Variants in CHRM5 observed in about 807,000 individuals in gnomAD.
CHRM5 encodes the protein cholinergic receptor muscarinic 5.
Under a neutral mutation model 39.0 loss-of-function variants are expected in CHRM5, and 18 were observed. The ratio of observed to expected loss-of-function variants is 0.46; its 90% CI spans 0.32 to 0.68. The LOEUF (loss-of-function observed/expected upper bound fraction) is 0.68, where lower values mean the gene tolerates loss of function less well. CHRM5 is among the 30% of genes least tolerant of loss of function. The pLI is 0.04. For missense variants in CHRM5, 515 were observed against 651.1 expected (o/e 0.79, Z 2.28); for synonymous variants, 241 against 246.3 (o/e 0.98, Z 0.20).
chr15:34,050,893 A>G (rs1899905735), intron 2 of CHRM5, among the ~76,000 whole-genome samples: 1 of 152,194 alleles, frequency 6.6e-6, no homozygotes, highest in African/African-American at 2.4e-5. Flanking sequence ...CTCCCAAACA[A>G]TAATAGTGGG....
chr15:34,028,195 G>T (rs1425260549), intron 1 of CHRM5, among the ~76,000 whole-genome samples: 1 of 152,090 alleles, frequency 6.6e-6, no homozygotes, highest in African/African-American at 2.4e-5. Flanking sequence ...TAAATAATAA[G>T]ATTCTAAATA....
At chr15:33,987,219 T>C (rs1482169793) in intron 1 of CHRM5, among the ~76,000 whole-genome samples, 2 of 152,242 alleles carry the variant, frequency 1.3e-5, no homozygotes, top group African/African-American at 2.4e-5. Flanking sequence ...TGACTAAGAA[T>C]GTACAATGCA....
At chr15:33,980,338 A>T (rs968849962) in intron 1 of CHRM5, among the ~76,000 whole-genome samples, 1 of 152,192 alleles carries the variant, frequency 6.6e-6, no homozygotes, top group Non-Finnish European at 1.5e-5. Context: ...TAATGTCTTA[A>T]CTTGACAAGA....
intron 1 of CHRM5, among the ~76,000 whole-genome samples, chr15:33,984,530 G>A (rs1223190467): frequency 1.3e-5 from 2 of 151,894 alleles, no homozygotes; most frequent in South Asian, 2.1e-4. Flanking sequence ...AGCCTCCCGC[G>A]TAGCTCAGAT....
chr15:34,064,117 T>C lies in CHRM5; in HGVS notation c.1400T>C (p.Phe467Ser). 6.2e-7 allele frequency: 1 copy of C among 1,614,230 alleles called. No homozygotes were observed. The highest frequency in any genetic ancestry group is 8.5e-7 in the Non-Finnish European group (1 of 1,180,040). The stretch of plus-strand genomic sequence containing the variant: ...AACATCATGGTCCTGGTTTCTACCT[T>C]CTGTGACAAGTGTGTCCCAGTCACC... The part of the protein sequence containing the change: ...PYNIMVLVST[F>S]CDKCVPVTLW... Residue 467 changes from phenylalanine (F) to serine (S), a missense_variant, in exon 3 of 3, where the codon TTC becomes TCC. Phe to Ser is a radical substitution (Grantham distance 155). Transcript: ENST00000383263.
intron 1 of CHRM5, chr15:34,038,833 G>GGGC: frequency 8.4e-7 from 1 of 1,189,582 alleles, no homozygotes; most frequent in South Asian, 3.4e-5. Context: ...CTGCCTCGCG[G>GGGC]GGCGCCTCCT....
At chr15:34,007,825 C>A (rs1897424650) in intron 1 of CHRM5, among the ~76,000 whole-genome samples, 1 of 152,180 alleles carries the variant, frequency 6.6e-6, no homozygotes, top group South Asian at 2.1e-4. Context: ...GAGGGAGAAT[C>A]TATTCCATGA....
chr15:33,998,562 T>A (rs1266774315), intron 1 of CHRM5, among the ~76,000 whole-genome samples: 2 of 152,220 alleles, frequency 1.3e-5, no homozygotes, highest in African/African-American at 4.8e-5. Flanking sequence ...TAAAATTAAG[T>A]CATTTATACC....
intron 1 of CHRM5, among the ~76,000 whole-genome samples, chr15:33,987,177 A>G (rs1896512585): frequency 1.3e-5 from 2 of 152,212 alleles, no homozygotes; most frequent in African/African-American, 4.8e-5. Context: ...TTATGTGAGG[A>G]TATTCTTTCC....
At chr15:33,972,762 A>C (rs1895696989) in intron 1 of CHRM5, among the ~76,000 whole-genome samples, 1 of 152,194 alleles carries the variant, frequency 6.6e-6, no homozygotes, top group South Asian at 2.1e-4. Context: ...CAGACCAACT[A>C]ATCCTTCCAC....
intron 1 of CHRM5, among the ~76,000 whole-genome samples, chr15:34,007,315 ACTTT>A (rs1448660654): frequency 6.6e-6 from 1 of 152,212 alleles, no homozygotes; most frequent in African/African-American, 2.4e-5. Flanking sequence ...AAATGAATCA[ACTTT>A]CTAATAATAA....
intron 1 of CHRM5, among the ~76,000 whole-genome samples, chr15:33,974,063 T>C (rs1355858389): frequency 2.0e-5 from 3 of 152,220 alleles, no homozygotes; most frequent in African/African-American, 4.8e-5. Context: ...TTATGAGGTA[T>C]GCAAATACAG....
chr15:34,037,516 T>C (rs1456377605), intron 1 of CHRM5, among the ~76,000 whole-genome samples: 1 of 149,316 alleles, frequency 6.7e-6, no homozygotes, highest in African/African-American at 2.4e-5. Flanking sequence ...TATAATTACA[T>C]ACTATTATAT....
chr15:33,985,439 C>T (rs1896390960), intron 1 of CHRM5, among the ~76,000 whole-genome samples: 1 of 83,584 alleles, frequency 1.2e-5, no homozygotes, highest in African/African-American at 5.1e-5. Flanking sequence ...GTTCCTTTTT[C>T]AGTAAGAGTA....
rs2140816400 is a variant in CHRM5, at chr15:34,046,885, C to G, written c.-76+14C>G. On this transcript the variant is annotated intron_variant, in intron 2 of 2. Transcript: ENST00000383263. ...CCAAGGGAAGCGGTGAGTGATTGTG[C>G]GACCCCACCGGGGAAACCACATTTC... is the stretch of plus-strand genomic sequence containing the variant. 1 of 152,350 alleles carries G rather than the reference C, an allele frequency of 6.6e-6. No homozygotes were observed. The highest frequency in any genetic ancestry group is 2.1e-4 in the South Asian group (1 of 4,820). 9.4% of individuals were successfully genotyped at this position (152,350 alleles called of 1,614,324 possible).
intron 2 of CHRM5, among the ~76,000 whole-genome samples, chr15:34,049,668 G>A (rs1049045817): frequency 8.6e-5 from 13 of 151,882 alleles, no homozygotes; most frequent in African/African-American, 2.9e-4. Context: ...CGTTCAAATT[G>A]AAAAAATGCA....
chr15:34,044,662 A>G (rs1899618949), intron 1 of CHRM5, among the ~76,000 whole-genome samples: 1 of 152,182 alleles, frequency 6.6e-6, no homozygotes, highest in Non-Finnish European at 1.5e-5. Context: ...AGCCAACCCC[A>G]TAGCCTGTGG....
intron 1 of CHRM5, among the ~76,000 whole-genome samples, chr15:34,042,396 GTTT>G (rs35456951): frequency 7.7e-6 from 1 of 130,382 alleles, no homozygotes; most frequent in Non-Finnish European, 1.6e-5. Flanking sequence ...CATGACCTAA[GTTT>G]TTTTTTTTTT....
At position 34,054,079 on chromosome 15, in the gene CHRM5, A is replaced by C. The variant is rs184355619; in HGVS notation, c.-76+7208A>C. Among the ~76,000 whole-genome samples the C allele has an allele frequency of 3.3e-3, 504 of 152,302 alleles. 4 individuals carry two copies. The highest frequency in any genetic ancestry group is 8.5e-3 in the Admixed American group (130 of 15,290). On this transcript the variant is annotated intron_variant, in intron 2 of 2. Coordinates refer to ENST00000383263, the MANE Select transcript of CHRM5 (RefSeq NM_012125.4). ...TGCGGCCAAAAAACGTGAAAAAAAA[A>C]CTCAACATCACTGATCATTAGAGAA...
Sources: allele counts gnomAD v4.1 joint callset (sites outside exome capture counted in the v4.1 genomes callset), GRCh38; gene constraint gnomAD v4.1.1; transcripts MANE v1.5; gene names NCBI Gene and HGNC (gene_info 2026-07-23, HGNC 2026-07-21).